ESCO1: variants seen among roughly 807,000 people sequenced by gnomAD.
ESCO1 encodes the protein N-acetyltransferase ESCO1.
ESCO1 carries 33 observed loss-of-function variants against 83.5 expected under a neutral mutation model. The observed-to-expected ratio is 0.40, with a 90% CI of 0.30 to 0.53. ESCO1 has a LOEUF of 0.53. Among genes scored for constraint, ESCO1 ranks in the 20% least tolerant of loss-of-function variants. The probability of loss-of-function intolerance (pLI) is 0.63; values close to 1 mark genes in which losing one functional copy is unlikely to be tolerated. For missense variants in ESCO1, 855 were observed against 968.0 expected, an observed-to-expected ratio of 0.88 and a Z score of 1.55; for synonymous variants, 332 against 324.3, an observed-to-expected ratio of 1.02 and a Z score of -0.25.
At chr18:21,580,730 C>T (rs1389766515) in intron 2 of ESCO1, among the ~76,000 whole-genome samples, 1 of 152,168 alleles carries the variant, frequency 6.6e-6, no homozygotes, top group Non-Finnish European at 1.5e-5. Flanking sequence ...TGGCTCATAC[C>T]TGTAATCCCA....
chr18:21,582,909 C>T (rs112224275), intron 2 of ESCO1, among the ~76,000 whole-genome samples: 46 of 152,208 alleles, frequency 3.0e-4, no homozygotes, highest in African/African-American at 1.1e-3. Context: ...TTTAATTTCA[C>T]GCCTGGCGTG....
intron 1 of ESCO1, among the ~76,000 whole-genome samples, chr18:21,593,813 A>T (rs2038721638): frequency 2.9e-3 from 1 of 344 alleles, no homozygotes; most frequent in Non-Finnish European, 9.4e-3. Flanking sequence ...ACCTCCTTTA[A>T]AAAAAAAAAA....
At chr18:21,539,377 T>C (rs1486704561) in intron 9 of ESCO1, among the ~76,000 whole-genome samples, 1 of 152,178 alleles carries the variant, frequency 6.6e-6, no homozygotes, top group Non-Finnish European at 1.5e-5. Context: ...CTACTACTAA[T>C]ACAGGACAAT....
rs1028429221 is a variant in ESCO1, at chr18:21,529,382, A to G, written c.*961T>C. On this transcript the variant is annotated 3_prime_UTR_variant, in exon 12 of 12. Transcript: ENST00000269214. ...CATAAAAGGCCACAGCAGTTTTTCA[A>G]CATATAAACCCTTTAAAAGTAGAGG... 1 of 152,558 alleles carries G rather than the reference A, an allele frequency of 6.6e-6. No homozygotes were observed. Among genetic ancestry groups the G allele is most frequent in the African/African-American group, 2.4e-5 (1 of 41,454 alleles). The allele number at this position is 152,558 out of a possible 1,614,324, so 9.5% of individuals were successfully genotyped here. A position where few individuals can be genotyped will look rare whatever the true frequency, so the allele number is the denominator to read the frequency against.
chr18:21,550,879 G>A (rs984649691), intron 8 of ESCO1, among the ~76,000 whole-genome samples: 4 of 152,098 alleles, frequency 2.6e-5, no homozygotes, highest in East Asian at 3.9e-4. Flanking sequence ...TTCGGAGGCC[G>A]AGATGGGCGG....
chr18:21,571,933 T>C (rs2038347033), intron 4 of ESCO1, among the ~76,000 whole-genome samples: 1 of 152,160 alleles, frequency 6.6e-6, no homozygotes, highest in Admixed American at 6.5e-5. Context: ...TGGTGTCTTC[T>C]CCCTTTAAGA....
intron 2 of ESCO1, among the ~76,000 whole-genome samples, chr18:21,577,815 G>A (rs1319257000): frequency 1.3e-5 from 2 of 152,102 alleles, no homozygotes; most frequent in East Asian, 3.8e-4. Context: ...ACTGACAACA[G>A]AAGGAATAAA....
chr18:21,563,301 T>G (rs1434605300), intron 7 of ESCO1, among the ~76,000 whole-genome samples: 1 of 152,034 alleles, frequency 6.6e-6, no homozygotes, highest in East Asian at 1.9e-4. Context: ...ATGAAAACAA[T>G]TACTGTTACA....
rs141970040 is a variant in ESCO1, at chr18:21,573,397, A to C, written c.1447T>G (p.Cys483Gly). The C allele has an allele frequency of 1.1e-5, 18 of 1,609,860 alleles. No individual in the cohort carries two copies. In the African/African-American group the frequency reaches 1.9e-4, roughly 17 times the overall value. Reference sequence around the variant, plus strand: ...GGTTTTATCTCATTGGCCAAATGACAATTTTCAGGAGCCCTTTCTGTGGTT... The same window carrying C: ...GGTTTTATCTCATTGGCCAAATGACCATTTTCAGGAGCCCTTTCTGTGGTT... ...NKTTERAPEN[C>G]HLANEIKPSD... The change falls in exon 4 of 12, where the codon TGT becomes GGT. Residue 483 changes from cysteine to glycine, a missense_variant. Coordinates refer to ENST00000269214, the MANE Select transcript of ESCO1 (RefSeq NM_052911.3).
chr18:21,584,505 C>A (rs1439247511), intron 1 of ESCO1, 65 bp from the exon 2 acceptor site: 1 of 151,280 alleles, frequency 6.6e-6, no homozygotes, highest in Non-Finnish European at 1.5e-5. Context: ...CTTAGACAAA[C>A]CTAGACTAAA....
Position 21,566,149 on chromosome 18 carries a change from T to C in ESCO1, c.1703A>G (p.Asn568Ser), listed in dbSNP as rs771622879. The C allele has an allele frequency of 6.2e-7, 1 of 1,612,500 alleles. No homozygotes were observed. The highest frequency in any genetic ancestry group is 1.3e-5 in the African/African-American group (1 of 74,992). Residue 568 changes from asparagine to serine, a missense_variant, in exon 6 of 12, where the codon AAC (asparagine) becomes AGC (serine). Asn to Ser is a conservative substitution (Grantham distance 46). Around this residue, in one of 2 missense-constraint regions of ESCO1, gnomAD observed 726 missense variants for 699.5 expected, o/e 1.04. Transcript: ENST00000269214. ...LSNQTSKSSD[N>S]RETPRNHSLP... ...TAAAATTTAATTAATAGCTTACCTGTTATCACTGCTTTTAGATGTCTGGTT... is the reference window on the plus strand; with the variant it reads ...TAAAATTTAATTAATAGCTTACCTGCTATCACTGCTTTTAGATGTCTGGTT...
At chr18:21,557,386 A>G (rs1184453596) in intron 8 of ESCO1, among the ~76,000 whole-genome samples, 1 of 152,232 alleles carries the variant, frequency 6.6e-6, no homozygotes, top group Non-Finnish European at 1.5e-5. Context: ...CCAATCATAG[A>G]TGACTATCTA....
At chr18:21,581,424 G>C (rs1202372850) in intron 2 of ESCO1, among the ~76,000 whole-genome samples, 4 of 151,792 alleles carry the variant, frequency 2.6e-5, no homozygotes, top group Non-Finnish European at 1.5e-5. Context: ...GAGATTAACA[G>C]AACAAAATAG....
At chr18:21,598,214 G>A (rs1193293389) in intron 1 of ESCO1, among the ~76,000 whole-genome samples, 1 of 152,062 alleles carries the variant, frequency 6.6e-6, no homozygotes, top group East Asian at 1.9e-4. Flanking sequence ...TCCATTATTC[G>A]AACTGTGCAG....
intron 2 of ESCO1, among the ~76,000 whole-genome samples, chr18:21,577,813 C>G (rs560656416): frequency 1.3e-5 from 2 of 152,062 alleles, no homozygotes; most frequent in Admixed American, 1.3e-4. Flanking sequence ...ATACTGACAA[C>G]AGAAGGAATA....
At chr18:21,544,463 CA>C (rs1328719068) in intron 8 of ESCO1, among the ~76,000 whole-genome samples, 6 of 139,716 alleles carry the variant, frequency 4.3e-5, no homozygotes, top group East Asian at 4.2e-4. Context: ...AAAAAAAAAA[CA>C]AAAAAAAAAC....
Position 21,530,503 on chromosome 18 carries a change from A to G in ESCO1, c.2376-13T>C. 1 of 1,264,806 alleles carries G rather than the reference A, an allele frequency of 7.9e-7. No homozygotes were observed. The highest frequency in any genetic ancestry group is 1.0e-6 in the Non-Finnish European group (1 of 952,732). 78.3% of individuals were successfully genotyped at this position (1,264,806 alleles called of 1,614,324 possible). On this transcript the variant is annotated splice_polypyrimidine_tract_variant and intron_variant, in intron 11 of 11. Transcript: ENST00000269214. ...TATAAAGTTACTCCTATTAAAAAAA[A>G]ATGGGGGGGGGGAAGGGTTAAGTGT... is the stretch of plus-strand genomic sequence containing the variant.
intron 1 of ESCO1, among the ~76,000 whole-genome samples, chr18:21,598,378 G>T (rs1433769616): frequency 2.6e-5 from 4 of 152,140 alleles, no homozygotes; most frequent in African/African-American, 7.2e-5. Context: ...CAATTTAAAT[G>T]CCAGCACCTT....
chr18:21,558,752 G>A (rs1205142842), intron 8 of ESCO1, among the ~76,000 whole-genome samples: 3 of 142,218 alleles, frequency 2.1e-5, no homozygotes, highest in Admixed American at 7.0e-5. Context: ...AAAAAAACTT[G>A]TTTTAAGTAA....
Sources: allele counts gnomAD v4.1 joint callset (sites outside exome capture counted in the v4.1 genomes callset), GRCh38; gene constraint gnomAD v4.1.1; regional missense constraint gnomAD v4.1.1; transcripts MANE v1.5; gene names NCBI Gene and HGNC (gene_info 2026-07-23, HGNC 2026-07-21).